LECT2: variants seen among roughly 807,000 people sequenced by gnomAD.
LECT2 encodes leukocyte cell derived chemotaxin 2.
A neutral mutation model predicts 16.6 loss-of-function variants in LECT2; 11 were observed. The ratio of observed to expected loss-of-function variants is 0.66; its 90% CI spans 0.42 to 1.09. The LOEUF is 1.09. LECT2 is among the 50% of genes least tolerant of loss of function. LECT2 has a pLI of 0.00. For synonymous variants in LECT2, 54 were observed against 64.8 expected, an observed-to-expected ratio of 0.83 and a Z score of 0.80; for missense variants, 173 against 184.2, an observed-to-expected ratio of 0.94 and a Z score of 0.35.
Position 135,947,426 on chromosome 5 carries a change from C to A in LECT2, c.361G>T (p.Gly121Ter). 6.2e-7 allele frequency: 1 copy of A among 1,614,032 alleles called. No homozygotes were observed. Among genetic ancestry groups the A allele is most frequent in the Non-Finnish European group, 8.5e-7 (1 of 1,179,934 alleles). ...ACTTTCTGCAAGGGCAATAGAGTTC[C>A]AAGTTTTTCTCCCTTCTTAATAGGA... ...KGPIKKGEKL[G>*]TLLPLQKVYP... Residue 121 changes from glycine (G) to a stop codon, truncating the protein, a stop_gained, in exon 4 of 4, where the codon GGA becomes TGA. Coordinates refer to ENST00000274507, the MANE Select transcript of LECT2 (RefSeq NM_002302.3). LOFTEE classifies it high-confidence loss of function.
At chr5:135,952,795 A>G (rs1379181511) in intron 2 of LECT2, 76 bp downstream of exon 2, 10 of 979,994 alleles carry the variant, frequency 1.0e-5, no homozygotes, top group Middle Eastern at 5.0e-4. Context: ...CCTTGAGGCA[A>G]CCAACGTTGG....
chr5:135,948,790 T>G (rs964641186), intron 3 of LECT2, among the ~76,000 whole-genome samples: 3 of 151,866 alleles, frequency 2.0e-5, no homozygotes, highest in Non-Finnish European at 2.9e-5. Context: ...TTCTCCTGCC[T>G]CAGCCTCCTG....
In LECT2 at chr5:135,951,210, C is replaced by T. The variant is rs1763788433; in HGVS notation, c.289+13G>A. 6.2e-7 allele frequency: 1 copy of T among 1,611,774 alleles called. No homozygotes were observed. The highest frequency in any genetic ancestry group is 1.3e-5 in the African/African-American group (1 of 74,710). ...CCAGGAGGCACCCCAGGTGTAGACTCCACCTCTCTTACCTCTTCCAGATAT... is the reference window on the plus strand; with the variant it reads ...CCAGGAGGCACCCCAGGTGTAGACTTCACCTCTCTTACCTCTTCCAGATAT... On this transcript the variant is annotated intron_variant, in intron 3 of 3. Coordinates refer to ENST00000274507, the MANE Select transcript of LECT2 (RefSeq NM_002302.3).
In LECT2 at chr5:135,954,869, G is replaced by T. The variant is rs1262332559; in HGVS notation, c.-36C>A. ...TTCCTTTAGTTTCTTCCTCTGATTA[G>T]AGTTGCCCCCACACTCTCTTTGAAG... On this transcript the variant is annotated 5_prime_UTR_variant, in exon 1 of 4. Transcript: ENST00000274507. 11 of 1,498,266 alleles carry T rather than the reference G, an allele frequency of 7.3e-6. No homozygotes were observed. The highest frequency in any genetic ancestry group is 8.4e-6 in the Non-Finnish European group (9 of 1,074,954). The allele number at this position is 1,498,266 out of a possible 1,614,324, so 92.8% of individuals were successfully genotyped here. A position where few individuals can be genotyped will look rare whatever the true frequency, so the allele number is the denominator to read the frequency against.
chr5:135,952,849 G>T lies in LECT2; in HGVS notation c.143+22C>A, dbSNP rs756927040. 49 of 1,554,466 alleles carry T rather than the reference G, an allele frequency of 3.2e-5. No individual in the cohort carries two copies. In the South Asian group the frequency reaches 3.9e-4, roughly 12 times the overall value. ...GAGGTTAGGGACCAAAGGGTTGGGT[G>T]GGTGGTTGTGCAACTTCATACCTTT... On this transcript the variant is annotated intron_variant, in intron 2 of 3. Coordinates refer to ENST00000274507, the MANE Select transcript of LECT2 (RefSeq NM_002302.3).
chr5:135,950,961 C>T (rs1015654705), intron 3 of LECT2: 1 of 513,202 alleles, frequency 1.9e-6, no homozygotes, highest in African/African-American at 1.9e-5. Context: ...TGCTTATTAC[C>T]TGGGTGACAA....
rs31517 is a variant in LECT2 at position 135,951,340 on chromosome 5, T to C, written c.172A>G (p.Ile58Val). The change falls in exon 3 of 4, where the codon ATC becomes GTC. Residue 58 changes from isoleucine to valine, a missense_variant. Ile to Val is a conservative substitution (Grantham distance 29). Coordinates refer to ENST00000274507, the MANE Select transcript of LECT2 (RefSeq NM_002302.3). ...RSQRPHQGVD[I>V]LCSAGSTVYA... Reference sequence around the variant, plus strand: ...ACAGTAGATCCAGCAGAGCACAAGATGTCCACACCCTGGTGAGGCCTCTGA... The same window carrying C: ...ACAGTAGATCCAGCAGAGCACAAGACGTCCACACCCTGGTGAGGCCTCTGA... 1,015,409 of 1,612,554 alleles carry C rather than the reference T, an allele frequency of 0.63. 320,989 individuals carry two copies. The highest frequency in any genetic ancestry group is 0.69 in the Admixed American group (41,128 of 59,988).
chr5:135,953,253 G>A (rs1763820830), intron 1 of LECT2: 2 of 307,874 alleles, frequency 6.5e-6, no homozygotes, highest in Non-Finnish European at 1.2e-5. Context: ...CCAAGCTGGA[G>A]CACAGTGGCG....
In LECT2 at chr5:135,950,164, G is replaced by C. The variant is rs150416688; in HGVS notation, c.289+1059C>G. Among the ~76,000 whole-genome samples, 20 of 152,302 alleles carry C rather than the reference G, an allele frequency of 1.3e-4. No homozygotes were observed. In the East Asian group the frequency reaches 3.5e-3, roughly 26 times the overall value. On this transcript the variant is annotated intron_variant, in intron 3 of 3. Transcript: ENST00000274507. ...TATGTTCATTAAAAGGTATAAGGAA[G>C]TTCGTAGCAGCAATTTTATAATCAT... is the stretch of plus-strand genomic sequence containing the variant.
At chr5:135,954,528 G>C (rs561107414) in intron 1 of LECT2, among the ~76,000 whole-genome samples, 1 of 152,188 alleles carries the variant, frequency 6.6e-6, no homozygotes, top group East Asian at 1.9e-4. Flanking sequence ...TTAAGTCCCA[G>C]ACCCAGACTC....
chr5:135,949,790 A>T (rs1235605463), intron 3 of LECT2, among the ~76,000 whole-genome samples: 1 of 152,198 alleles, frequency 6.6e-6, no homozygotes, highest in Non-Finnish European at 1.5e-5. Context: ...TGAAGTCAGC[A>T]TTTTGTTCAT....
rs1763711403 is a variant in LECT2 at position 135,946,976 on chromosome 5, A to G, written c.*355T>C. ...AAATCTAAAAAATAAAACCACTCAG[A>G]TTCCATAGGTGACAGATCAAAGAGC... On this transcript the variant is annotated 3_prime_UTR_variant, in exon 4 of 4. Transcript: ENST00000274507. The G allele has an allele frequency of 6.4e-6, 1 of 157,248 alleles. No individual in the cohort carries two copies. The highest frequency in any genetic ancestry group is 2.4e-5 in the African/African-American group (1 of 41,684). The allele number at this position is 157,248 out of a possible 1,614,324, so 9.7% of individuals were successfully genotyped here.
Position 135,952,922 on chromosome 5 carries a change from T to C in LECT2, c.92A>G (p.Asn31Ser), listed in dbSNP as rs549258032. Reference protein sequence around the residue: ...WANICAGKSSNEIRTCDRHGC... With the variant: ...WANICAGKSSSEIRTCDRHGC... ...ATGGCGGTCACACGTCCGGATCTCA[T>C]TGGAAGACTTGCCAGCACATATATT... Residue 31 changes from asparagine to serine, a missense_variant, in exon 2 of 4, where the codon AAT becomes AGT. Coordinates refer to ENST00000274507, the MANE Select transcript of LECT2 (RefSeq NM_002302.3). 110 of 1,614,162 alleles carry C rather than the reference T, an allele frequency of 6.8e-5. 1 individual carries two copies. In the South Asian group the frequency reaches 8.2e-4, roughly 12 times the overall value.
Position 135,947,433 on chromosome 5 carries a change from T to G in LECT2, c.354A>C (p.Glu118Asp), listed in dbSNP as rs200333665. Residue 118 changes from glutamate to aspartate, a missense_variant, in exon 4 of 4, where the codon GAA becomes GAC. Transcript: ENST00000274507. ...GCAAGGGCAATAGAGTTCCAAGTTT[T>G]TCTCCCTTCTTAATAGGACCTTTAT... The part of the protein sequence containing the change: ...IKYKGPIKKG[E>D]KLGTLLPLQK... The G allele has an allele frequency of 1.3e-4, 217 of 1,614,002 alleles. No individual in the cohort carries two copies. Among genetic ancestry groups the G allele is most frequent in the Non-Finnish European group, 1.7e-4 (201 of 1,179,974 alleles).
chr5:135,948,637 A>G (rs903617343), intron 3 of LECT2, among the ~76,000 whole-genome samples: 5 of 150,190 alleles, frequency 3.3e-5, no homozygotes, highest in African/African-American at 1.2e-4. Context: ...TTACTTCAAC[A>G]TGGCTACTAG....
intron 3 of LECT2, 148 bp downstream of exon 3, chr5:135,951,075 G>T (rs1189844998): frequency 1.3e-6 from 1 of 764,722 alleles, no homozygotes; most frequent in Non-Finnish European, 2.1e-6. Context: ...AAATGCATCA[G>T]CTAGTTTGGG....
intron 2 of LECT2, 92 bp downstream of exon 2, chr5:135,952,779 G>T (rs1763813094): frequency 1.3e-6 from 1 of 791,568 alleles, no homozygotes; most frequent in Admixed American, 1.9e-5. Flanking sequence ...TGTCAGAACT[G>T]TGAGCCCTTG....
intron 3 of LECT2, among the ~76,000 whole-genome samples, chr5:135,950,568 C>G (rs1763776290): frequency 6.6e-6 from 1 of 152,168 alleles, no homozygotes. Context: ...GTGTTGTGCA[C>G]TTTTATGTGT....
intron 3 of LECT2, among the ~76,000 whole-genome samples, chr5:135,948,682 A>ATT (rs1317572023): frequency 4.0e-5 from 6 of 148,294 alleles, no homozygotes; most frequent in South Asian, 2.1e-4. Context: ...AATTATTATT[A>ATT]TTATTTTTTT....
Sources: allele counts gnomAD v4.1 joint callset (sites outside exome capture counted in the v4.1 genomes callset), GRCh38; gene constraint gnomAD v4.1.1; transcripts MANE v1.5; gene names NCBI Gene and HGNC (gene_info 2026-07-23, HGNC 2026-07-21).